Variants in PLS1 observed in about 807,000 individuals in gnomAD.
PLS1 encodes plastin-1.
PLS1 carries 32 observed loss-of-function variants against 73.7 expected under a neutral mutation model. That is an observed-to-expected ratio of 0.43 (90% confidence interval 0.33 to 0.58). PLS1 has a LOEUF of 0.58. Among genes scored for constraint, PLS1 ranks in the 20% least tolerant of loss-of-function variants. The pLI is 0.04. For missense variants in PLS1, 633 were observed against 740.5 expected (o/e 0.85, Z 1.68); for synonymous variants, 217 against 261.3 (o/e 0.83, Z 1.63).
chr3:142,681,105 C>G (rs1457199798), intron 6 of PLS1, among the ~76,000 whole-genome samples: 1 of 152,120 alleles, frequency 6.6e-6, no homozygotes, highest in Non-Finnish European at 1.5e-5. Context: ...AGTGTGCTAT[C>G]TAAAAATAAA....
At chr3:142,677,817 G>T (rs1302844331) in intron 5 of PLS1, among the ~76,000 whole-genome samples, 1 of 151,960 alleles carries the variant, frequency 6.6e-6, no homozygotes, top group African/African-American at 2.4e-5. Context: ...TTGAGATGAG[G>T]TCTCTCTGTT....
chr3:142,694,580 C>A, intron 11 of PLS1, 33 bp downstream of exon 11: 2 of 1,261,310 alleles, frequency 1.6e-6, no homozygotes, highest in South Asian at 1.2e-5. Flanking sequence ...GCTTTACTGT[C>A]AGGGTCCAAC....
chr3:142,698,154 G>A, intron 12 of PLS1, 87 bp downstream of exon 12: 1 of 760,022 alleles, frequency 1.3e-6, no homozygotes, highest in South Asian at 1.8e-5. Context: ...TACGTGCTCT[G>A]TCCCCACAAT....
At chr3:142,613,350 C>T (rs543818287) in intron 1 of PLS1, among the ~76,000 whole-genome samples, 2 of 151,942 alleles carry the variant, frequency 1.3e-5, no homozygotes, top group Non-Finnish European at 2.9e-5. Flanking sequence ...TGTGGTGGCT[C>T]AAGCCTGTAA....
intron 1 of PLS1, among the ~76,000 whole-genome samples, chr3:142,646,684 G>A (rs1328703772): frequency 1.1e-4 from 17 of 152,222 alleles, no homozygotes; most frequent in Admixed American, 1.1e-3. Flanking sequence ...TCTTACTGTG[G>A]AGCTCTGTGG....
At chr3:142,657,081 G>A (rs1420794852) in intron 1 of PLS1, 1 of 152,276 alleles carries the variant, frequency 6.6e-6, no homozygotes, top group Admixed American at 6.5e-5. Context: ...TGGGTCTAAT[G>A]TAGAGCAAAA....
intron 1 of PLS1, among the ~76,000 whole-genome samples, chr3:142,632,759 C>T (rs149916277): frequency 1.5e-4 from 23 of 152,082 alleles, no homozygotes; most frequent in African/African-American, 4.6e-4. Flanking sequence ...CCACCATACC[C>T]GGCTAATTTT....
At chr3:142,598,925 C>T (rs1327846972) in intron 1 of PLS1, among the ~76,000 whole-genome samples, 3 of 151,488 alleles carry the variant, frequency 2.0e-5, no homozygotes, top group Admixed American at 6.6e-5. Context: ...CGCATGAACC[C>T]GGGAGGCGGA....
chr3:142,660,348 G>C (rs1341578835), intron 1 of PLS1, among the ~76,000 whole-genome samples: 1 of 151,984 alleles, frequency 6.6e-6, no homozygotes, highest in Non-Finnish European at 1.5e-5. Flanking sequence ...CCTTAACTTA[G>C]AGGAGTCCCA....
chr3:142,674,215 G>A (rs2037671067), intron 4 of PLS1, among the ~76,000 whole-genome samples: 1 of 151,972 alleles, frequency 6.6e-6, no homozygotes, highest in Non-Finnish European at 1.5e-5. Context: ...TTCCTCAATG[G>A]CAGATACAGT....
Position 142,678,596 on chromosome 3 carries a change from A to G in PLS1, c.579+483A>G, listed in dbSNP as rs371214994. Among the ~76,000 whole-genome samples the G allele has an allele frequency of 1.8e-3, 278 of 151,858 alleles. 5 individuals are homozygous for G. The East Asian group carries it at 0.027, about 15-fold the overall frequency. Reference sequence around the variant, plus strand: ...TTTCATCCATGTCCCTACAAAGGACATGAACTCATCATTTTTTATGGCTGC... The same window carrying G: ...TTTCATCCATGTCCCTACAAAGGACGTGAACTCATCATTTTTTATGGCTGC... On this transcript the variant is annotated intron_variant, in intron 6 of 15. Coordinates refer to ENST00000457734, the MANE Select transcript of PLS1 (RefSeq NM_001145319.2).
At chr3:142,638,013 G>A (rs1209661153) in intron 1 of PLS1, among the ~76,000 whole-genome samples, 1 of 152,164 alleles carries the variant, frequency 6.6e-6, no homozygotes, top group African/African-American at 2.4e-5. Context: ...TGCAATCCGT[G>A]TGTGAGATGT....
intron 2 of PLS1, among the ~76,000 whole-genome samples, chr3:142,669,184 C>G (rs1460160910): frequency 6.6e-6 from 1 of 152,082 alleles, no homozygotes; most frequent in Non-Finnish European, 1.5e-5. Flanking sequence ...ATAGCTGGAA[C>G]TACCAAGCCT....
intron 4 of PLS1, 67 bp downstream of exon 4, chr3:142,671,189 G>A: frequency 7.5e-7 from 1 of 1,330,486 alleles, no homozygotes; most frequent in South Asian, 1.2e-5. Flanking sequence ...TATTTAATCA[G>A]TTCTAAGATG....
At position 142,596,522 on chromosome 3, in the gene PLS1, G is replaced by A. The variant is rs997573092; in HGVS notation, c.-37+13G>A. On this transcript the variant is annotated intron_variant, in intron 1 of 15. Coordinates refer to ENST00000457734, the MANE Select transcript of PLS1 (RefSeq NM_001145319.2). ...GCGGTGGCGGCAGGTACGCGGGGGT[G>A]GGGATAGGGCCCAAAAGGAAGGCTG... The A allele has an allele frequency of 2.0e-5, 3 of 152,758 alleles. No homozygotes were observed. The highest frequency in any genetic ancestry group is 7.2e-5 in the African/African-American group (3 of 41,460). The allele number at this position is 152,758 out of a possible 1,614,324, so 9.5% of individuals were successfully genotyped here.
chr3:142,673,584 T>G (rs897114891), intron 4 of PLS1: 2 of 152,250 alleles, frequency 1.3e-5, no homozygotes, highest in Non-Finnish European at 2.9e-5. Context: ...CCAAATTGTT[T>G]TCCAAAGTGG....
chr3:142,614,916 A>G (rs191697374), intron 1 of PLS1, among the ~76,000 whole-genome samples: 1 of 151,246 alleles, frequency 6.6e-6, no homozygotes, highest in East Asian at 1.9e-4. Flanking sequence ...GGACTTCAAC[A>G]GCTGGGTGGG....
chr3:142,620,123 T>G (rs1281583907), intron 1 of PLS1, among the ~76,000 whole-genome samples: 1 of 138,816 alleles, frequency 7.2e-6, no homozygotes, highest in African/African-American at 2.8e-5. Flanking sequence ...AGAAGTAGAC[T>G]TTTTTTTTTT....
In PLS1 at chr3:142,608,640, G is replaced by A. The variant is rs554395643; in HGVS notation, c.-37+12131G>A. ...CCTGCCAGACTCCAGAGTTTCCAGT[G>A]GTTTTAAATCATGAATGTATCAAAG... On this transcript the variant is annotated intron_variant, in intron 1 of 15. Transcript: ENST00000457734. Among the ~76,000 whole-genome samples, 75 of 152,236 alleles carry A rather than the reference G, an allele frequency of 4.9e-4. 1 individual carries two copies. Among genetic ancestry groups the A allele is most frequent in the Middle Eastern group, 3.4e-3 (1 of 294 alleles).
Sources: allele counts gnomAD v4.1 joint callset (sites outside exome capture counted in the v4.1 genomes callset), GRCh38; gene constraint gnomAD v4.1.1; transcripts MANE v1.5; gene names NCBI Gene and HGNC (gene_info 2026-07-23, HGNC 2026-07-21).